Variants in HMGA2 observed in about 807,000 individuals in gnomAD.
HMGA2 encodes high mobility group protein HMGI-C.
HMGA2 carries 8 observed loss-of-function variants against 19.1 expected under a neutral mutation model. The observed-to-expected ratio is 0.42, with a 90% CI of 0.25 to 0.76. The LOEUF is 0.76. Ranked by LOEUF, HMGA2 falls within the 30% of genes least tolerant of loss-of-function variation. The probability of loss-of-function intolerance (pLI) is 0.28; values close to 1 mark genes in which losing one functional copy is unlikely to be tolerated. For synonymous variants in HMGA2, 60 were observed against 48.8 expected (o/e 1.23, Z -0.96); for missense variants, 109 against 136.3 (o/e 0.80, Z 1.00).
chr12:65,913,325 G>T (rs539882734), intron 3 of HMGA2, among the ~76,000 whole-genome samples: 1 of 152,176 alleles, frequency 6.6e-6, no homozygotes, highest in Admixed American at 6.5e-5. Flanking sequence ...TTTCTCCGGG[G>T]TCAGTCATCT....
rs373012719 is a variant in HMGA2 at position 65,888,647 on chromosome 12, T to TCCG, written c.249+50081_249+50083dup. On this transcript the variant is annotated intron_variant, in intron 3 of 4. Transcript: ENST00000403681. ...GGCGCGATCTCTGCTCACTGCAAGC[T>TCCG]CCGCCTCCCGGGTTCATGCCATTCT... Among the ~76,000 whole-genome samples, 197 of 121,030 alleles carry TCCG rather than the reference T, an allele frequency of 1.6e-3. 3 individuals carry two copies. The highest frequency in any genetic ancestry group is 5.8e-3 in the African/African-American group (184 of 31,874). The allele number at this position is 121,030 out of a possible 152,430, so 79.4% of individuals were successfully genotyped here.
At chr12:65,852,124 A>G (rs1871505071) in intron 3 of HMGA2, among the ~76,000 whole-genome samples, 1 of 134,040 alleles carries the variant, frequency 7.5e-6, no homozygotes, top group South Asian at 2.2e-4. Context: ...CAATTTGTGC[A>G]AATAATTTGT....
At chr12:65,843,293 A>G (rs1269874829) in intron 3 of HMGA2, 1 of 218,174 alleles carries the variant, frequency 4.6e-6, no homozygotes, top group Non-Finnish European at 9.2e-6. Flanking sequence ...GTTGATTAAA[A>G]AATATGCATT....
intron 3 of HMGA2, among the ~76,000 whole-genome samples, chr12:65,899,183 G>A (rs1029650694): frequency 6.6e-6 from 1 of 151,922 alleles, no homozygotes. Context: ...TTGCCTTCTG[G>A]TCAGTTTATA....
intron 3 of HMGA2, among the ~76,000 whole-genome samples, chr12:65,935,392 T>C (rs1407121407): frequency 6.6e-6 from 1 of 152,238 alleles, no homozygotes; most frequent in Non-Finnish European, 1.5e-5. Flanking sequence ...AGCAGCTATT[T>C]GAAAATTTGT....
At chr12:65,921,363 C>T (rs1358552108) in intron 3 of HMGA2, among the ~76,000 whole-genome samples, 3 of 152,110 alleles carry the variant, frequency 2.0e-5, no homozygotes, top group Non-Finnish European at 4.4e-5. Context: ...GGGTTCACGC[C>T]ATTCTCCTGC....
At chr12:65,845,379 C>T (rs888429482) in intron 3 of HMGA2, among the ~76,000 whole-genome samples, 3 of 152,118 alleles carry the variant, frequency 2.0e-5, no homozygotes, top group Non-Finnish European at 2.9e-5. Flanking sequence ...AGTGATTCTC[C>T]TATCTCAGCC....
intron 3 of HMGA2, chr12:65,843,391 T>C (rs974974287): frequency 4.9e-6 from 1 of 204,360 alleles, no homozygotes; most frequent in Non-Finnish European, 1.0e-5. Flanking sequence ...ATTTTATATA[T>C]TAGTCAAACG....
chr12:65,901,725 C>A (rs1422170961), intron 3 of HMGA2, among the ~76,000 whole-genome samples: 1 of 151,956 alleles, frequency 6.6e-6, no homozygotes, highest in Non-Finnish European at 1.5e-5. Flanking sequence ...TTTTTTCTCC[C>A]AGAGATCCTG....
At chr12:65,828,350 G>A in intron 2 of HMGA2, 13 of 208,608 alleles carry the variant, frequency 6.2e-5, no homozygotes, top group Non-Finnish European at 8.1e-5. Flanking sequence ...AAAACGGGTA[G>A]AAGTGAGGAA....
At chr12:65,875,965 G>A (rs369632537) in intron 3 of HMGA2, among the ~76,000 whole-genome samples, 322 of 152,076 alleles carry the variant, frequency 2.1e-3, no homozygotes, top group African/African-American at 7.0e-3. Flanking sequence ...TTTAAAAGTG[G>A]TTGGAGGAAA....
intron 3 of HMGA2, among the ~76,000 whole-genome samples, chr12:65,906,383 T>C (rs1162791567): frequency 6.6e-6 from 1 of 152,212 alleles, no homozygotes; most frequent in African/African-American, 2.4e-5. Flanking sequence ...TGCCATTTTA[T>C]GTGAGCTCTT....
chr12:65,882,150 G>A, intron 3 of HMGA2: 1 of 405,268 alleles, frequency 2.5e-6, no homozygotes, highest in East Asian at 5.5e-5. Flanking sequence ...TGGGCAGGCG[G>A]CGAGGTCTTG....
At chr12:65,956,837 A>AT (rs1234192893) in intron 4 of HMGA2, 1 of 152,150 alleles carries the variant, frequency 6.6e-6, no homozygotes, top group Admixed American at 6.5e-5. Context: ...TGTGTACTGG[A>AT]TAAAAACCAA....
intron 3 of HMGA2, among the ~76,000 whole-genome samples, chr12:65,854,609 G>A (rs1234459934): frequency 1.3e-5 from 2 of 152,222 alleles, no homozygotes; most frequent in Admixed American, 1.3e-4. Context: ...GCATGTGCAG[G>A]ATGTGCAGGT....
intron 3 of HMGA2, among the ~76,000 whole-genome samples, chr12:65,854,419 C>G (rs1871626891): frequency 6.6e-6 from 1 of 152,096 alleles, no homozygotes; most frequent in Admixed American, 6.5e-5. Context: ...AACTGTAGAA[C>G]AAGATCTCAA....
intron 3 of HMGA2, chr12:65,914,677 ATTG>A (rs1875001526): frequency 7.0e-6 from 2 of 284,618 alleles, no homozygotes; most frequent in Non-Finnish European, 1.4e-5. Flanking sequence ...TGTTGTTGTT[ATTG>A]TTGTTGTTTT....
At chr12:65,846,509 C>T (rs1419913234) in intron 3 of HMGA2, among the ~76,000 whole-genome samples, 1 of 152,238 alleles carries the variant, frequency 6.6e-6, no homozygotes, top group African/African-American at 2.4e-5. Flanking sequence ...TCACATTGTA[C>T]TGTAATTTCA....
At chr12:65,859,750 T>C (rs1871949004) in intron 3 of HMGA2, 1 of 170,142 alleles carries the variant, frequency 5.9e-6, no homozygotes, top group Non-Finnish European at 1.3e-5. Context: ...TGGGGTTATG[T>C]CCTGATACAC....
Sources: allele counts gnomAD v4.1 joint callset (sites outside exome capture counted in the v4.1 genomes callset), GRCh38; gene constraint gnomAD v4.1.1; transcripts MANE v1.5; gene names NCBI Gene and HGNC (gene_info 2026-07-23, HGNC 2026-07-21).